The following GARS1 variants were observed in gnomAD, a reference collection of about 807,000 sequenced individuals.
GARS1 encodes the protein glycyl-tRNA synthetase 1.
A neutral mutation model predicts 86.4 loss-of-function variants in GARS1; 46 were observed. The observed-to-expected ratio is 0.53, with a 90% CI of 0.42 to 0.68. The LOEUF is 0.68. Ranked by LOEUF, GARS1 falls within the 30% of genes least tolerant of loss-of-function variation. The probability of loss-of-function intolerance (pLI) is 0.00; values close to 1 mark genes in which losing one functional copy is unlikely to be tolerated. For missense variants in GARS1, 797 were observed against 915.6 expected, an observed-to-expected ratio of 0.87 and a Z score of 1.67; for synonymous variants, 342 against 329.8, an observed-to-expected ratio of 1.04 and a Z score of -0.40.
chr7:30,624,074 G>A (rs527625865), intron 12 of GARS1, among the ~76,000 whole-genome samples: 39 of 152,142 alleles, frequency 2.6e-4, no homozygotes, highest in African/African-American at 8.4e-4. Context: ...ACACAAATTC[G>A]TAAACTTTCA....
At chr7:30,623,429 T>TA (rs1210400632) in intron 12 of GARS1, among the ~76,000 whole-genome samples, 28 of 152,156 alleles carry the variant, frequency 1.8e-4, no homozygotes, top group African/African-American at 6.5e-4. Context: ...TTTATATATA[T>TA]AAACAACATG....
chr7:30,614,213 C>T (rs1267230436), intron 8 of GARS1: 1 of 151,966 alleles, frequency 6.6e-6, no homozygotes, highest in Non-Finnish European at 1.5e-5. Flanking sequence ...ACATAATTAT[C>T]ACCTCACATA....
intron 1 of GARS1, 98 bp downstream of exon 1, chr7:30,595,241 T>C: frequency 8.8e-7 from 1 of 1,141,766 alleles, no homozygotes; most frequent in Non-Finnish European, 1.3e-6. Context: ...GTCCTCCTCT[T>C]CGGTTACCCC....
chr7:30,619,733 T>G (rs1782962889), intron 10 of GARS1, among the ~76,000 whole-genome samples: 1 of 151,948 alleles, frequency 6.6e-6, no homozygotes, highest in Non-Finnish European at 1.5e-5. Context: ...ACACCCCATG[T>G]GATAACATGT....
intron 13 of GARS1, among the ~76,000 whole-genome samples, chr7:30,626,787 C>A (rs1367839914): frequency 6.6e-6 from 1 of 152,118 alleles, no homozygotes; most frequent in Non-Finnish European, 1.5e-5. Flanking sequence ...TCAAGATCAA[C>A]CTGGCCAACA....
At position 30,595,147 on chromosome 7, in the gene GARS1, C is replaced by T; in HGVS notation, c.222+4C>T. ...GAGGCTAGCAGTGCGCCAGCAGGTA[C>T]CGGTGTTTTGCGCTCTCCGCTAAGC... On this transcript the variant is annotated splice_donor_region_variant and intron_variant, in intron 1 of 16. Transcript: ENST00000389266. 1 of 1,536,726 alleles carries T rather than the reference C, an allele frequency of 6.5e-7. No homozygotes were observed. The highest frequency in any genetic ancestry group is 1.2e-5 in the South Asian group (1 of 84,086).
chr7:30,595,631 G>A (rs1020007520), intron 1 of GARS1, among the ~76,000 whole-genome samples: 2 of 152,188 alleles, frequency 1.3e-5, no homozygotes, highest in African/African-American at 2.4e-5. Context: ...CTTACGGCCA[G>A]GCCCTTTAAT....
At chr7:30,598,203 A>T (rs1006320253) in intron 1 of GARS1, among the ~76,000 whole-genome samples, 2 of 152,052 alleles carry the variant, frequency 1.3e-5, no homozygotes, top group African/African-American at 4.8e-5. Context: ...CTACTTTTTA[A>T]TCAATGCTTT....
chr7:30,598,943 T>A lies in GARS1; in HGVS notation c.324+46T>A, dbSNP rs751619983. The A allele has an allele frequency of 2.8e-6, 4 of 1,437,038 alleles. No homozygotes were observed. The African/African-American group carries it at 5.6e-5, about 20-fold the overall frequency. The allele number at this position is 1,437,038 out of a possible 1,614,324, so 89.0% of individuals were successfully genotyped here. Reference sequence around the variant, plus strand: ...ATAGGAACATAAGTAGGTATAGGATTGTTCATCTTTAATTTCTTTGGATGG... The same window carrying A: ...ATAGGAACATAAGTAGGTATAGGATAGTTCATCTTTAATTTCTTTGGATGG... On this transcript the variant is annotated intron_variant, in intron 2 of 16. Coordinates refer to ENST00000389266, the MANE Select transcript of GARS1 (RefSeq NM_002047.4).
At chr7:30,616,639 A>T (rs1782895837) in intron 9 of GARS1, among the ~76,000 whole-genome samples, 2 of 152,148 alleles carry the variant, frequency 1.3e-5, no homozygotes, top group Admixed American at 6.5e-5. Context: ...GTGTATGGAG[A>T]TGGGGCTAGA....
chr7:30,611,516 C>T (rs1791597498), intron 7 of GARS1, among the ~76,000 whole-genome samples: 1 of 152,134 alleles, frequency 6.6e-6, no homozygotes, highest in Admixed American at 6.5e-5. Flanking sequence ...TGGAGTTTCG[C>T]TCTTGTTGCC....
chr7:30,614,910 T>A (rs758325383), intron 8 of GARS1, among the ~76,000 whole-genome samples: 17 of 152,090 alleles, frequency 1.1e-4, no homozygotes, highest in Non-Finnish European at 2.4e-4. Flanking sequence ...TTTTGCAGTG[T>A]ATTTCATGTA....
In GARS1 at chr7:30,594,901, A is replaced by C; in HGVS notation, c.-21A>C. On this transcript the variant is annotated 5_prime_UTR_variant, in exon 1 of 17. Transcript: ENST00000389266. ...CCGCTTCCGTCGCCACCCTCTCTGGACAGCCCAGGGCCGCAGGCTCATGCC... is the reference window on the plus strand; with the variant it reads ...CCGCTTCCGTCGCCACCCTCTCTGGCCAGCCCAGGGCCGCAGGCTCATGCC... The C allele has an allele frequency of 6.5e-7, 1 of 1,538,802 alleles. No homozygotes were observed. The highest frequency in any genetic ancestry group is 1.9e-5 in the Admixed American group (1 of 51,804).
chr7:30,594,871 G>A (rs1452358081), upstream of GARS1: 18 of 1,454,082 alleles, frequency 1.2e-5, no homozygotes, highest in Non-Finnish European at 1.7e-5. Flanking sequence ...GCCGGGCGGC[G>A]CGCGCCGCTT....
chr7:30,633,910 A>AAC lies in GARS1; in HGVS notation c.*51_*52dup. On this transcript the variant is annotated 3_prime_UTR_variant, in exon 17 of 17. Transcript: ENST00000389266. Reference sequence around the variant, plus strand: ...ACTTGCGCTAATAAAAAAAAAAAAAAACTACTCTTATGTCCACTTTACAAA... The same window carrying AAC: ...ACTTGCGCTAATAAAAAAAAAAAAAAACACTACTCTTATGTCCACTTTACAAA... 7.2e-7 allele frequency: 1 copy of AAC among 1,395,036 alleles called. No individual in the cohort carries two copies. The highest frequency in any genetic ancestry group is 2.6e-5 in the East Asian group (1 of 38,154). The allele number at this position is 1,395,036 out of a possible 1,614,324, so 86.4% of individuals were successfully genotyped here. A position where few individuals can be genotyped will look rare whatever the true frequency, so the allele number is the denominator to read the frequency against.
intron 6 of GARS1, among the ~76,000 whole-genome samples, chr7:30,605,873 C>T (rs1361236224): frequency 6.6e-6 from 1 of 152,084 alleles, no homozygotes; most frequent in African/African-American, 2.4e-5. Flanking sequence ...TCTAGGCTGT[C>T]TTAAATGTTT....
chr7:30,597,214 A>G (rs1048825284), intron 1 of GARS1, among the ~76,000 whole-genome samples: 1 of 152,202 alleles, frequency 6.6e-6, no homozygotes, highest in Admixed American at 6.5e-5. Flanking sequence ...TGCGTAACTC[A>G]GTGAACCAGT....
At chr7:30,620,238 T>C (rs1009520262) in intron 10 of GARS1, among the ~76,000 whole-genome samples, 1 of 152,222 alleles carries the variant, frequency 6.6e-6, no homozygotes, top group African/African-American at 2.4e-5. Flanking sequence ...GAGTTTGTCA[T>C]AGTTGGGGTT....
intron 2 of GARS1, among the ~76,000 whole-genome samples, chr7:30,599,190 T>G (rs1791325546): frequency 6.6e-6 from 1 of 152,222 alleles, no homozygotes; most frequent in African/African-American, 2.4e-5. Flanking sequence ...CGACTTCTCT[T>G]ATGCCTGAAA....
Sources: gnomAD v4.1 joint callset for allele counts (sites outside exome capture counted in the v4.1 genomes callset) on GRCh38, gnomAD v4.1.1 for gene constraint, MANE v1.5 for transcripts, NCBI Gene and HGNC (gene_info 2026-07-23, HGNC 2026-07-21) for gene names.